EZR: variants seen among roughly 807,000 people sequenced by gnomAD.
EZR encodes cytovillin 2.
A neutral mutation model predicts 74.8 loss-of-function variants in EZR; 40 were observed. The observed-to-expected ratio is 0.53, with a 90% confidence interval of 0.42 to 0.70. EZR has a LOEUF of 0.70. Among genes scored for constraint, EZR ranks in the 30% least tolerant of loss-of-function variants. The probability of loss-of-function intolerance (pLI) is 0.00; values close to 1 mark genes in which losing one functional copy is unlikely to be tolerated. For synonymous variants in EZR, 341 were observed against 283.3 expected (o/e 1.20, Z -2.05); for missense variants, 678 against 755.8 (o/e 0.90, Z 1.21).
chr6:158,815,200 T>C (rs1226173537), intron 2 of EZR, among the ~76,000 whole-genome samples: 1 of 152,184 alleles, frequency 6.6e-6, no homozygotes, highest in African/African-American at 2.4e-5. Context: ...TTGGTGGATG[T>C]TTCATTTTAA....
chr6:158,781,250 A>G (rs1377432649), intron 7 of EZR, among the ~76,000 whole-genome samples: 1 of 152,226 alleles, frequency 6.6e-6, no homozygotes, highest in Non-Finnish European at 1.5e-5. Context: ...TGGGCCTATT[A>G]AATGACTGAA....
chr6:158,813,313 C>T (rs1201019336), intron 2 of EZR, among the ~76,000 whole-genome samples: 1 of 152,190 alleles, frequency 6.6e-6, no homozygotes, highest in East Asian at 1.9e-4. Flanking sequence ...ACTCTCAGGC[C>T]TCATGTACCC....
chr6:158,781,880 C>T (rs1325211099), intron 7 of EZR, among the ~76,000 whole-genome samples: 2 of 152,204 alleles, frequency 1.3e-5, no homozygotes, highest in African/African-American at 2.4e-5. Context: ...CCTCCCACCT[C>T]AGCCACCTGA....
intron 3 of EZR, among the ~76,000 whole-genome samples, chr6:158,788,935 G>A (rs1202727771): frequency 3.3e-5 from 5 of 152,140 alleles, no homozygotes; most frequent in African/African-American, 9.7e-5. Context: ...AGGAAGCCGC[G>A]TCTCTAATAC....
chr6:158,783,805 G>A, intron 6 of EZR, 139 bp from the exon 7 acceptor site: 2 of 953,930 alleles, frequency 2.1e-6, no homozygotes, highest in Non-Finnish European at 3.1e-6. Flanking sequence ...GGCAGGCAGG[G>A]GCCGGGCAGC....
intron 8 of EZR, among the ~76,000 whole-genome samples, chr6:158,774,575 TAA>T (rs1791211529): frequency 6.6e-6 from 1 of 151,614 alleles, no homozygotes; most frequent in African/African-American, 2.4e-5. Context: ...GGCTACTCTA[TAA>T]TAAAGGCACA....
chr6:158,787,524 A>G lies in EZR; in HGVS notation c.97-321T>C, dbSNP rs141763448. Among the ~76,000 whole-genome samples, 430 of 152,286 alleles carry G rather than the reference A, an allele frequency of 2.8e-3. 2 individuals are homozygous for G. Among genetic ancestry groups the G allele is most frequent in the African/African-American group, 9.9e-3 (412 of 41,570 alleles). On this transcript the variant is annotated intron_variant, in intron 3 of 13. Coordinates refer to ENST00000367075, the MANE Select transcript of EZR (RefSeq NM_001111077.2). ...TGCATGAAACTCAGCAGGGCGGGTT[A>G]TGGCCAGCACACACAGAACCATGGG...
chr6:158,803,233 T>C (rs906661317), intron 2 of EZR, among the ~76,000 whole-genome samples: 13 of 151,906 alleles, frequency 8.6e-5, no homozygotes, highest in Non-Finnish European at 1.9e-4. Context: ...TACATTTTTA[T>C]GTTATATAAA....
intron 2 of EZR, among the ~76,000 whole-genome samples, chr6:158,807,324 A>C (rs369120560): frequency 6.6e-6 from 1 of 151,258 alleles, no homozygotes; most frequent in South Asian, 2.1e-4. Context: ...CAAAAAAAAA[A>C]AAAAAAAACA....
chr6:158,784,877 A>G (rs572387417), intron 5 of EZR, 150 bp from the exon 6 acceptor site: 4 of 661,504 alleles, frequency 6.0e-6, no homozygotes, highest in African/African-American at 1.8e-5. Context: ...GATGTGCAGC[A>G]TTTCTATTTA....
intron 2 of EZR, among the ~76,000 whole-genome samples, chr6:158,804,875 C>G (rs1218268389): frequency 6.6e-6 from 1 of 150,402 alleles, no homozygotes; most frequent in Non-Finnish European, 1.5e-5. Context: ...AACTCGTCAT[C>G]TAGCATTAGG....
At chr6:158,785,241 G>C in intron 5 of EZR, 68 bp downstream of exon 5, 1 of 1,579,696 alleles carries the variant, frequency 6.3e-7, no homozygotes, top group African/African-American at 1.3e-5. Flanking sequence ...GTGCTTCTAA[G>C]GCAATCACTT....
chr6:158,779,746 G>A (rs1356106780), intron 7 of EZR, among the ~76,000 whole-genome samples: 1 of 152,000 alleles, frequency 6.6e-6, no homozygotes, highest in East Asian at 2.0e-4. Context: ...TGTACTTTTG[G>A]TGGAGACGGG....
intron 2 of EZR, among the ~76,000 whole-genome samples, chr6:158,795,148 A>G (rs917076220): frequency 6.6e-6 from 1 of 152,182 alleles, no homozygotes. Context: ...GCTACTCAGG[A>G]GGCTGAGGAG....
At chr6:158,793,530 A>C (rs1172379522) in intron 2 of EZR, among the ~76,000 whole-genome samples, 1 of 152,182 alleles carries the variant, frequency 6.6e-6, no homozygotes, top group East Asian at 1.9e-4. Flanking sequence ...TTTAAGTTAA[A>C]GGGCATGTCT....
chr6:158,803,586 T>C lies in EZR; in HGVS notation c.13-14215A>G, dbSNP rs866981477. 1.5e-3 allele frequency among the ~76,000 whole-genome samples: 19 copies of C among 13,052 alleles called. 1 individual carries two copies. The highest frequency in any genetic ancestry group is 4.5e-3 in the African/African-American group (11 of 2,466). 8.6% of individuals were successfully genotyped at this position (13,052 alleles called of 152,430 possible). On this transcript the variant is annotated intron_variant, in intron 2 of 13. Transcript: ENST00000367075. Reference sequence around the variant, plus strand: ...ATATATATATATATATATATACATATATATATATATATATATATACATATA... The same window carrying C: ...ATATATATATATATATATATACATACATATATATATATATATATACATATA...
At chr6:158,790,958 G>A (rs1054050205) in intron 2 of EZR, among the ~76,000 whole-genome samples, 1 of 152,204 alleles carries the variant, frequency 6.6e-6, no homozygotes, top group Non-Finnish European at 1.5e-5. Flanking sequence ...AGGTGTAAAT[G>A]TAATAAGGAC....
At chr6:158,793,194 G>C (rs1791788505) in intron 2 of EZR, among the ~76,000 whole-genome samples, 1 of 134,046 alleles carries the variant, frequency 7.5e-6, no homozygotes, top group African/African-American at 2.8e-5. Flanking sequence ...AGTGAGCTAT[G>C]ATCGAGCCAC....
At chr6:158,803,570 T>TACAC (rs1562504438) in intron 2 of EZR, among the ~76,000 whole-genome samples, 1 of 7,860 alleles carries the variant, frequency 1.3e-4, no homozygotes, top group Admixed American at 1.0e-3. Context: ...TATATATATA[T>TACAC]ATATATATAT....
Sources: allele counts gnomAD v4.1 joint callset (sites outside exome capture counted in the v4.1 genomes callset), GRCh38; gene constraint gnomAD v4.1.1; transcripts MANE v1.5; gene names NCBI Gene and HGNC (gene_info 2026-07-23, HGNC 2026-07-21).